CNTNAP2: variants seen among roughly 807,000 people sequenced by gnomAD.
CNTNAP2 encodes the protein contactin-associated protein-like 2.
In CNTNAP2, 98 loss-of-function variants were observed where a neutral mutation model predicts 155.2. That is an observed-to-expected ratio of 0.63 (90% CI 0.54 to 0.75). The LOEUF (loss-of-function observed/expected upper bound fraction) is 0.75. Ranked by LOEUF, CNTNAP2 falls within the 30% of genes least tolerant of loss-of-function variation. CNTNAP2 has a pLI of 0.00. For synonymous variants in CNTNAP2, 651 were observed against 631.2 expected, an observed-to-expected ratio of 1.03 and a Z score of -0.47; for missense variants, 1,727 against 1,688.1, an observed-to-expected ratio of 1.02 and a Z score of -0.40.
chr7:147,612,818 G>T (rs540030199), intron 12 of CNTNAP2, among the ~76,000 whole-genome samples: 16 of 152,108 alleles, frequency 1.1e-4, no homozygotes, highest in Admixed American at 7.9e-4. Flanking sequence ...CCTCTTACTT[G>T]CATTTTCTAC....
At chr7:147,730,008 T>C (rs898725926) in intron 13 of CNTNAP2, among the ~76,000 whole-genome samples, 2 of 152,126 alleles carry the variant, frequency 1.3e-5, no homozygotes, top group African/African-American at 4.8e-5. Context: ...GGAGGAATTA[T>C]AGCTATAGCC....
chr7:148,263,199 A>C (rs1490533694), intron 20 of CNTNAP2: 1 of 152,204 alleles, frequency 6.6e-6, no homozygotes, highest in Non-Finnish European at 1.5e-5. Context: ...GGCTTTCTGG[A>C]TATCCTCGTC....
Position 147,249,604 on chromosome 7 carries a change from T to TAAAAAAAAAAAAAAAAAAAAAAAA in CNTNAP2, c.1349-50516_1349-50515insAAAAAAAAAAAAAAAAAAAAAAAA, listed in dbSNP as rs755601249. ...CTATAATAAAGGAAGACATTGGAGG[T>TAAAAAAAAAAAAAAAAAAAAAAAA]AAAAAAAAAAAAAAAAAAAAAGGTT... On this transcript the variant is annotated intron_variant, in intron 8 of 23. Transcript: ENST00000361727. 4.3e-4 allele frequency among the ~76,000 whole-genome samples: 30 copies of TAAAAAAAAAAAAAAAAAAAAAAAA among 70,002 alleles called. 3 individuals carry two copies. The highest frequency in any genetic ancestry group is 1.6e-3 in the African/African-American group (27 of 16,754). The allele number at this position is 70,002 out of a possible 152,430, so 45.9% of individuals were successfully genotyped here. A position where few individuals can be genotyped will look rare whatever the true frequency, so the allele number is the denominator to read the frequency against.
intron 15 of CNTNAP2, among the ~76,000 whole-genome samples, chr7:148,034,194 G>A (rs1208276445): frequency 6.6e-6 from 1 of 152,214 alleles, no homozygotes; most frequent in Non-Finnish European, 1.5e-5. Flanking sequence ...AATTTCAAGT[G>A]ATAGAATTTC....
intron 9 of CNTNAP2, among the ~76,000 whole-genome samples, chr7:147,342,195 C>A (rs1164381487): frequency 3.3e-5 from 5 of 152,118 alleles, no homozygotes; most frequent in Non-Finnish European, 5.9e-5. Flanking sequence ...CAAATCCCAT[C>A]ACATTTGGGA....
intron 13 of CNTNAP2, among the ~76,000 whole-genome samples, chr7:147,732,814 T>G (rs967989021): frequency 6.6e-6 from 1 of 152,250 alleles, no homozygotes; most frequent in African/African-American, 2.4e-5. Context: ...TTCATCATCT[T>G]GGCTGCATAA....
At chr7:146,781,250 A>C (rs1802483799) in intron 2 of CNTNAP2, among the ~76,000 whole-genome samples, 1 of 151,626 alleles carries the variant, frequency 6.6e-6, no homozygotes, top group South Asian at 2.1e-4. Context: ...ACAAAAAAAA[A>C]ACACCCTAGG....
chr7:146,361,811 A>T (rs1375491301), intron 1 of CNTNAP2, among the ~76,000 whole-genome samples: 2 of 152,240 alleles, frequency 1.3e-5, no homozygotes, highest in Non-Finnish European at 2.9e-5. Context: ...TCAAAAAGAC[A>T]GTAAATAAAT....
chr7:147,417,750 A>G (rs1797220402), intron 10 of CNTNAP2, among the ~76,000 whole-genome samples: 1 of 152,228 alleles, frequency 6.6e-6, no homozygotes, highest in African/African-American at 2.4e-5. Context: ...CCAAAATTTT[A>G]TAAGATATGC....
chr7:146,566,715 A>AAAAATT (rs1201786464), intron 1 of CNTNAP2, among the ~76,000 whole-genome samples: 3 of 109,238 alleles, frequency 2.7e-5, no homozygotes, highest in African/African-American at 1.0e-4. Context: ...AAATAAAAAT[A>AAAAATT]AAAATTAAAA....
chr7:147,932,800 G>C (rs1420542579), intron 14 of CNTNAP2, among the ~76,000 whole-genome samples: 1 of 152,118 alleles, frequency 6.6e-6, no homozygotes, highest in African/African-American at 2.4e-5. Context: ...CAAAATATTT[G>C]CAAACCACAT....
chr7:148,414,571 CTG>C (rs1443550541), intron 23 of CNTNAP2, among the ~76,000 whole-genome samples: 1 of 148,846 alleles, frequency 6.7e-6, no homozygotes, highest in Non-Finnish European at 1.5e-5. Flanking sequence ...ATTCCATGCT[CTG>C]TCCTTTCTGG....
intron 2 of CNTNAP2, among the ~76,000 whole-genome samples, chr7:146,825,689 C>G (rs1219953234): frequency 6.6e-6 from 1 of 152,136 alleles, no homozygotes; most frequent in East Asian, 1.9e-4. Flanking sequence ...TTTCCACTTA[C>G]TGCAAGTCAG....
chr7:148,221,999 G>C (rs1374282226), intron 19 of CNTNAP2, among the ~76,000 whole-genome samples: 1 of 152,156 alleles, frequency 6.6e-6, no homozygotes, highest in East Asian at 1.9e-4. Context: ...TCATGTTTTG[G>C]AGGCCACCTG....
chr7:146,541,469 A>G (rs761856058), intron 1 of CNTNAP2, among the ~76,000 whole-genome samples: 16 of 151,998 alleles, frequency 1.1e-4, no homozygotes, highest in Non-Finnish European at 2.2e-4. Flanking sequence ...AAAGTCCCCA[A>G]TTAAATGAAG....
At chr7:147,167,395 A>C in intron 8 of CNTNAP2, 2 of 1,280,750 alleles carry the variant, frequency 1.6e-6, no homozygotes, top group Non-Finnish European at 2.1e-6. Flanking sequence ...CGTTACTACA[A>C]CTTTGAAAAG....
chr7:146,776,334 A>G (rs1427311224), intron 2 of CNTNAP2, among the ~76,000 whole-genome samples: 1 of 152,208 alleles, frequency 6.6e-6, no homozygotes, highest in Non-Finnish European at 1.5e-5. Context: ...ACGACTGAAG[A>G]AGATGATTTG....
chr7:146,618,174 G>C (rs1334672461), intron 1 of CNTNAP2, among the ~76,000 whole-genome samples: 1 of 152,114 alleles, frequency 6.6e-6, no homozygotes, highest in Non-Finnish European at 1.5e-5. Flanking sequence ...TACTTTATGG[G>C]CTACAGCTCA....
chr7:147,563,102 G>T (rs917041005), intron 12 of CNTNAP2, among the ~76,000 whole-genome samples: 1 of 152,088 alleles, frequency 6.6e-6, no homozygotes, highest in African/African-American at 2.4e-5. Context: ...TTACATCCTG[G>T]CTTCATTAAT....
Sources: gnomAD v4.1 joint callset for allele counts (sites outside exome capture counted in the v4.1 genomes callset) on GRCh38, gnomAD v4.1.1 for gene constraint, MANE v1.5 for transcripts, NCBI Gene and HGNC (gene_info 2026-07-23, HGNC 2026-07-21) for gene names.